Variants in PLAC9 observed in about 807,000 individuals in gnomAD.
The protein encoded by PLAC9 is placenta associated 9, also known as placenta-specific protein 9.
A neutral mutation model predicts 11.5 loss-of-function variants in PLAC9; 12 were observed. The observed-to-expected ratio is 1.05, with a 90% confidence interval of 0.67 to 1.69. The LOEUF is 1.69. Ranked by LOEUF, PLAC9 falls within the 40% of genes most tolerant of loss-of-function variation. The probability of loss-of-function intolerance (pLI) is 0.00; values close to 1 mark genes in which losing one functional copy is unlikely to be tolerated. For missense variants in PLAC9, 132 were observed against 130.5 expected, an observed-to-expected ratio of 1.01 and a Z score of -0.06; for synonymous variants, 62 against 58.1, an observed-to-expected ratio of 1.07 and a Z score of -0.31.
intron 2 of PLAC9, among the ~76,000 whole-genome samples, chr10:80,142,635 C>T (rs1845053940): frequency 6.6e-6 from 1 of 152,208 alleles, no homozygotes; most frequent in African/African-American, 2.4e-5. Context: ...AATATCTCAA[C>T]ATATAATTTT....
intron 2 of PLAC9, among the ~76,000 whole-genome samples, chr10:80,142,613 C>A (rs1412523579): frequency 6.6e-6 from 1 of 152,188 alleles, no homozygotes. Context: ...ATAATTTCAT[C>A]TTCTAGTTAT....
At chr10:80,144,432 A>C in intron 3 of PLAC9, 89 bp downstream of exon 3, 1 of 1,429,904 alleles carries the variant, frequency 7.0e-7, no homozygotes, top group Non-Finnish European at 9.2e-7. Flanking sequence ...TCCACTGCAC[A>C]GGTGTAGCCT....
chr10:80,139,691 AG>A (rs917703644), intron 1 of PLAC9, among the ~76,000 whole-genome samples: 5 of 152,064 alleles, frequency 3.3e-5, no homozygotes, highest in South Asian at 4.2e-4. Flanking sequence ...AAAAGTGGGG[AG>A]GGGGGTCGTT....
chr10:80,144,475 G>T (rs1337614310), intron 3 of PLAC9, 132 bp downstream of exon 3: 14 of 1,290,194 alleles, frequency 1.1e-5, no homozygotes, highest in Non-Finnish European at 1.2e-5. Flanking sequence ...GCTCCCTGGG[G>T]ACGGAAGCGG....
Position 80,142,143 on chromosome 10 carries a change from C to T in PLAC9, c.126C>T (p.His42=), listed in dbSNP as rs777956659. ...DSAQSTACDR[H]MAVQRRLDVM... ...CTCAGAGCACAGCGTGTGACAGACA[C>T]ATGGCTGTGCAACGCCGTCTAGATG... The change falls in exon 2 of 4, where the codon CAC becomes CAT. Residue 42 remains histidine (H), a synonymous_variant. Coordinates refer to ENST00000372263, the MANE Select transcript of PLAC9 (RefSeq NM_001012973.3). The T allele has an allele frequency of 7.9e-5, 127 of 1,610,542 alleles. 1 individual carries two copies. The highest frequency in any genetic ancestry group is 9.8e-5 in the Non-Finnish European group (115 of 1,177,318).
chr10:80,134,367 G>C (rs910584284), intron 1 of PLAC9, among the ~76,000 whole-genome samples: 1 of 150,404 alleles, frequency 6.6e-6, no homozygotes, highest in African/African-American at 2.4e-5. Context: ...GGGTTCAACT[G>C]ATTCTCCTGC....
At chr10:80,142,970 A>G (rs1484226299) in intron 2 of PLAC9, among the ~76,000 whole-genome samples, 2 of 151,980 alleles carry the variant, frequency 1.3e-5, no homozygotes, top group Non-Finnish European at 2.9e-5. Flanking sequence ...CCATCTGCCC[A>G]CCTCGGCCTC....
intron 2 of PLAC9, 50 bp downstream of exon 2, chr10:80,142,229 A>G (rs772832917): frequency 2.7e-6 from 4 of 1,484,074 alleles, no homozygotes; most frequent in East Asian, 4.7e-5. Flanking sequence ...ACCTTCTAGG[A>G]TGGTGTTTTT....
chr10:80,139,735 C>A (rs1845018718), intron 1 of PLAC9, among the ~76,000 whole-genome samples: 1 of 150,772 alleles, frequency 6.6e-6, no homozygotes, highest in South Asian at 2.1e-4. Flanking sequence ...TCATCATGGC[C>A]ACCATTTTTT....
chr10:80,140,219 T>TAA (rs71034288), intron 1 of PLAC9, among the ~76,000 whole-genome samples: 47 of 148,596 alleles, frequency 3.2e-4, no homozygotes, highest in South Asian at 2.1e-3. Context: ...TCCAATGCTT[T>TAA]AAAAAAAAAA....
chr10:80,145,271 C>G lies in PLAC9; in HGVS notation c.*361C>G, dbSNP rs1410635870. On this transcript the variant is annotated 3_prime_UTR_variant, in exon 4 of 4. Coordinates refer to ENST00000372263, the MANE Select transcript of PLAC9 (RefSeq NM_001012973.3). ...AAGGGGATCAGGGTCTCAGGACCCACCCAGACTGTTTAATCCAAATCTGCA... is the reference window on the plus strand; with the variant it reads ...AAGGGGATCAGGGTCTCAGGACCCAGCCAGACTGTTTAATCCAAATCTGCA... 2.4e-6 allele frequency: 1 copy of G among 416,470 alleles called. No individual in the cohort carries two copies. The highest frequency in any genetic ancestry group is 4.3e-6 in the Non-Finnish European group (1 of 234,226). 25.8% of individuals were successfully genotyped at this position (416,470 alleles called of 1,614,324 possible). A position where few individuals can be genotyped will look rare whatever the true frequency, so the allele number is the denominator to read the frequency against.
chr10:80,142,187 G>A lies in PLAC9; in HGVS notation c.162+8G>A, dbSNP rs7080405. On this transcript the variant is annotated splice_region_variant and intron_variant, in intron 2 of 3. Transcript: ENST00000372263. ...CTAGATGTCATGGAGGAGGTAACAG[G>A]GTGGTTTGGAAGGACATGCGAGTTC... The A allele has an allele frequency of 3.1e-6, 5 of 1,598,882 alleles. No homozygotes were observed. The highest frequency in any genetic ancestry group is 4.3e-6 in the Non-Finnish European group (5 of 1,168,300).
At chr10:80,134,408 C>T (rs1844950333) in intron 1 of PLAC9, among the ~76,000 whole-genome samples, 1 of 151,936 alleles carries the variant, frequency 6.6e-6, no homozygotes, top group Non-Finnish European at 1.5e-5. Context: ...GGACTACAGG[C>T]ACGCACCACC....
In PLAC9 at chr10:80,145,059, G is replaced by C. The variant is rs1433141715; in HGVS notation, c.*149G>C. 3 of 1,025,028 alleles carry C rather than the reference G, an allele frequency of 2.9e-6. No homozygotes were observed. Among genetic ancestry groups the C allele is most frequent in the African/African-American group, 1.6e-5 (1 of 63,052 alleles). 63.5% of individuals were successfully genotyped at this position (1,025,028 alleles called of 1,614,324 possible). On this transcript the variant is annotated 3_prime_UTR_variant, in exon 4 of 4. Transcript: ENST00000372263. ...TCTGTGTCTGCTGACAGAGTAACCC[G>C]TTTAACTACAGCCTCCTCTCACTCC...
chr10:80,144,114 C>T, intron 2 of PLAC9, 109 bp from the exon 3 acceptor site: 1 of 1,513,460 alleles, frequency 6.6e-7, no homozygotes. Context: ...GCGCCCAGTC[C>T]TTTCCCACTG....
In PLAC9 at chr10:80,142,113, C is replaced by T. The variant is rs765042274; in HGVS notation, c.96C>T (p.Asp32=). Residue 32 remains aspartate, a synonymous_variant, in exon 2 of 4, where the codon GAC becomes GAT. Coordinates refer to ENST00000372263, the MANE Select transcript of PLAC9 (RefSeq NM_001012973.3). ...AAEPFSPPRG[D]SAQSTACDRH... ...AACCCTTCAGCCCTCCGCGAGGAGACTCAGCTCAGAGCACAGCGTGTGACA... is the reference window on the plus strand; with the variant it reads ...AACCCTTCAGCCCTCCGCGAGGAGATTCAGCTCAGAGCACAGCGTGTGACA... 6.2e-7 allele frequency: 1 copy of T among 1,611,294 alleles called. No individual in the cohort carries two copies. The highest frequency in any genetic ancestry group is 1.7e-5 in the Admixed American group (1 of 59,930).
chr10:80,137,612 G>C (rs1821390705), intron 1 of PLAC9, among the ~76,000 whole-genome samples: 1 of 152,164 alleles, frequency 6.6e-6, no homozygotes, highest in South Asian at 2.1e-4. Flanking sequence ...TGAGAGAATT[G>C]AGTTAAAATT....
intron 1 of PLAC9, 122 bp from the exon 2 acceptor site, chr10:80,141,960 G>T: frequency 1.7e-6 from 1 of 594,108 alleles, no homozygotes; most frequent in Non-Finnish European, 2.8e-6. Context: ...CACCTGGGCC[G>T]TCCTCCGCTT....
At chr10:80,133,028 A>C (rs1277949075) in intron 1 of PLAC9, among the ~76,000 whole-genome samples, 4 of 152,220 alleles carry the variant, frequency 2.6e-5, no homozygotes, top group African/African-American at 9.6e-5. Flanking sequence ...AGCAACGGAG[A>C]GATAAAGGAG....
Sources: gnomAD v4.1 joint callset for allele counts (sites outside exome capture counted in the v4.1 genomes callset) on GRCh38, gnomAD v4.1.1 for gene constraint, MANE v1.5 for transcripts, NCBI Gene and HGNC (gene_info 2026-07-23, HGNC 2026-07-21) for gene names.